The following NRL variants were observed in gnomAD, a reference collection of about 807,000 sequenced individuals.
NRL encodes neural retina-specific leucine zipper protein.
In NRL, 16 loss-of-function variants were observed where a neutral mutation model predicts 12.5. The observed-to-expected ratio is 1.28, with a 90% CI of 0.87 to 1.95. NRL has a LOEUF of 1.95. NRL is among the 30% of genes most tolerant of loss of function. The pLI is 0.00. For missense variants in NRL, 314 were observed against 325.8 expected (o/e 0.96, Z 0.28); for synonymous variants, 142 against 150.9 (o/e 0.94, Z 0.43).
chr14:24,081,421 G>T lies in NRL; in HGVS notation c.529C>A (p.Arg177Ser). 6.5e-7 allele frequency: 1 copy of T among 1,531,724 alleles called. No homozygotes were observed. The allele number at this position is 1,531,724 out of a possible 1,614,324, so 94.9% of individuals were successfully genotyped here. A position where few individuals can be genotyped will look rare whatever the true frequency, so the allele number is the denominator to read the frequency against. Reference protein sequence around the residue: ...LKNRGYAQACRSKRLQQRRGL... With the variant: ...LKNRGYAQACSSKRLQQRRGL... Reference sequence around the variant, plus strand: ...CGCCGCTGCTGCAGCCGCTTGGAGCGACAGGCCTGCGCGTAGCCGCGGTTC... The same window carrying T: ...CGCCGCTGCTGCAGCCGCTTGGAGCTACAGGCCTGCGCGTAGCCGCGGTTC... Residue 177 changes from arginine (R) to serine (S), a missense_variant, in exon 3 of 3, where the codon CGC (arginine) becomes AGC (serine). Physicochemically the swap from Arg to Ser is moderately radical, Grantham distance 110. Transcript: ENST00000561028. This position sits in a 1 kb window ranked among gnomAD's most constrained non-coding sequence, Gnocchi z 4.4.
chr14:24,096,845 C>T, intron 1 of NRL: 2 of 1,567,022 alleles, frequency 1.3e-6, no homozygotes, highest in Non-Finnish European at 1.7e-6. Flanking sequence ...CTGCCTTGTC[C>T]ACTCTCGATG....
intron 1 of NRL, among the ~76,000 whole-genome samples, chr14:24,096,181 G>A (rs2036869431): frequency 6.6e-6 from 1 of 150,872 alleles, no homozygotes; most frequent in Admixed American, 6.6e-5. Flanking sequence ...TGTCACCTGG[G>A]CCCAACTTCT....
chr14:24,114,340 G>A (rs1041663251), intron 1 of NRL: 2 of 152,288 alleles, frequency 1.3e-5, no homozygotes, highest in East Asian at 1.9e-4. Context: ...CCGGAAGGAC[G>A]GTATGGAGGT....
chr14:24,087,703 A>C (rs2036499878), intron 1 of NRL, among the ~76,000 whole-genome samples: 1 of 152,236 alleles, frequency 6.6e-6, no homozygotes. Context: ...GTAAGGCATT[A>C]GCGACCCCTC....
intron 1 of NRL, among the ~76,000 whole-genome samples, chr14:24,113,598 A>G (rs187768334): frequency 6.6e-6 from 1 of 152,358 alleles, no homozygotes; most frequent in African/African-American, 2.4e-5. Flanking sequence ...TGAAAATACC[A>G]GGCACTTGCT....
Position 24,081,331 on chromosome 14 carries a change from G to A in NRL, c.619C>T (p.Arg207Cys), listed in dbSNP as rs2036279881. The change falls in exon 3 of 3, where the codon CGC becomes TGC. Residue 207 changes from arginine to cysteine, a missense_variant. Coordinates refer to ENST00000561028, the MANE Select transcript of NRL (RefSeq NM_001354768.3). The surrounding 1 kb of genome is among the most constrained non-coding windows in gnomAD (Gnocchi z 4.4). Reference protein sequence around the residue: ...QLDALRAEVARLARERDLYKA... With the variant: ...QLDALRAEVACLARERDLYKA... ...TAGAGATCGCGCTCCCGGGCCAGGCGGGCCACCTCGGCCCGCAGCGCGTCC... is the reference window on the plus strand; with the variant it reads ...TAGAGATCGCGCTCCCGGGCCAGGCAGGCCACCTCGGCCCGCAGCGCGTCC... 1 of 1,476,574 alleles carries A rather than the reference G, an allele frequency of 6.8e-7. No individual in the cohort carries two copies. Among genetic ancestry groups the A allele is most frequent in the Non-Finnish European group, 9.0e-7 (1 of 1,112,250 alleles). 91.5% of individuals were successfully genotyped at this position (1,476,574 alleles called of 1,614,324 possible).
At position 24,097,019 on chromosome 14, in the gene NRL, C is replaced by T. The variant is rs201059299; in HGVS notation, c.-27-14144G>A. On this transcript the variant is annotated intron_variant, in intron 1 of 2. Transcript: ENST00000561028. The stretch of plus-strand genomic sequence containing the variant: ...TCGAGATTTTGTAGAGCACAGTGCC[C>T]GCCTGTGCCAACCAGAGGGCATCCA... 2.8e-5 allele frequency: 45 copies of T among 1,613,388 alleles called. No individual in the cohort carries two copies. In the East Asian group the frequency reaches 4.9e-4, roughly 18 times the overall value.
Position 24,094,918 on chromosome 14 carries a change from T to C in NRL, c.-27-12043A>G. On this transcript the variant is annotated intron_variant, in intron 1 of 2. Transcript: ENST00000561028. The surrounding 1 kb of genome is among the most constrained non-coding windows in gnomAD (Gnocchi z 4.1). ...GAAGGTTAAATATCCATTCCCGGCCTCTCCCGGACTGGAAGGACTGGAACC... is the reference window on the plus strand; with the variant it reads ...GAAGGTTAAATATCCATTCCCGGCCCCTCCCGGACTGGAAGGACTGGAACC... 1 of 1,132,426 alleles carries C rather than the reference T, an allele frequency of 8.8e-7. No individual in the cohort carries two copies. Among genetic ancestry groups the C allele is most frequent in the Non-Finnish European group, 1.2e-6 (1 of 849,650 alleles). The allele number at this position is 1,132,426 out of a possible 1,614,324, so 70.1% of individuals were successfully genotyped here.
At chr14:24,089,110 T>A (rs2036545793) in intron 1 of NRL, among the ~76,000 whole-genome samples, 1 of 151,740 alleles carries the variant, frequency 6.6e-6, no homozygotes, top group African/African-American at 2.4e-5. Context: ...GGCCTAATTT[T>A]TGTATTTTTA....
At chr14:24,083,619 C>G (rs2036387172) in intron 1 of NRL, among the ~76,000 whole-genome samples, 1 of 152,196 alleles carries the variant, frequency 6.6e-6, no homozygotes, top group South Asian at 2.1e-4. Flanking sequence ...CTTGGCAGAT[C>G]ACCTTCACCC....
intron 1 of NRL, chr14:24,084,513 T>C (rs2036416888): frequency 1.4e-5 from 14 of 984,884 alleles, no homozygotes; most frequent in Non-Finnish European, 1.7e-5. Context: ...GCCCTGGATA[T>C]ACTCACTTCA....
At chr14:24,113,718 G>A (rs1028955253) in intron 1 of NRL, among the ~76,000 whole-genome samples, 3 of 152,224 alleles carry the variant, frequency 2.0e-5, no homozygotes, top group Admixed American at 6.5e-5. Context: ...ACAAGCTCAG[G>A]TCTCCGGATC....
intron 1 of NRL, chr14:24,114,347 A>T (rs1197181121): frequency 6.6e-6 from 1 of 152,276 alleles, no homozygotes; most frequent in Non-Finnish European, 1.5e-5. Flanking sequence ...GACGGTATGG[A>T]GGTCTACTGG....
At chr14:24,103,884 A>T (rs758563879) in intron 1 of NRL, 1 of 1,614,160 alleles carries the variant, frequency 6.2e-7, no homozygotes, top group Non-Finnish European at 8.5e-7. Flanking sequence ...GAGCTACCTG[A>T]CAGAGCAGGT....
At chr14:24,103,698 C>A (rs374328821) in intron 1 of NRL, 1 of 1,614,040 alleles carries the variant, frequency 6.2e-7, no homozygotes, top group Non-Finnish European at 8.5e-7. Flanking sequence ...GGAGAATGCT[C>A]GGGTGCTAGA....
chr14:24,109,697 CAA>C (rs1227097594), intron 1 of NRL, among the ~76,000 whole-genome samples: 17 of 66,276 alleles, frequency 2.6e-4, no homozygotes, highest in Non-Finnish European at 1.9e-4. Context: ...GACTCCATCT[CAA>C]AAAAAAAAAA....
At chr14:24,109,371 A>G (rs1436214103) in intron 1 of NRL, among the ~76,000 whole-genome samples, 1 of 152,208 alleles carries the variant, frequency 6.6e-6, no homozygotes, top group Non-Finnish European at 1.5e-5. Context: ...TACAGGTCAT[A>G]GTGAGATAAT....
chr14:24,084,385 C>T (rs2036412889), intron 1 of NRL: 1 of 195,096 alleles, frequency 5.1e-6, no homozygotes, highest in South Asian at 1.8e-4. Context: ...GTGAGGGACA[C>T]AGGCCAGTCA....
chr14:24,090,833 T>G (rs2036607103), intron 1 of NRL, among the ~76,000 whole-genome samples: 1 of 152,228 alleles, frequency 6.6e-6, no homozygotes, highest in South Asian at 2.1e-4. Context: ...AGCCCCTTGC[T>G]CCATCTGCCT....
Sources: allele counts gnomAD v4.1 joint callset (sites outside exome capture counted in the v4.1 genomes callset), GRCh38; gene constraint gnomAD v4.1.1; non-coding constraint Gnocchi (gnomAD v3.1); transcripts MANE v1.5; gene names NCBI Gene and HGNC (gene_info 2026-07-23, HGNC 2026-07-21).